Variants in TSBP1 observed in about 807,000 individuals in gnomAD.
TSBP1 encodes testis-expressed basic protein 1.
Under a neutral mutation model 68.8 loss-of-function variants are expected in TSBP1, and 56 were observed. The ratio of observed to expected loss-of-function variants is 0.81; its 90% confidence interval spans 0.66 to 1.02. The LOEUF is 1.02. Among genes scored for constraint, TSBP1 ranks in the 50% least tolerant of loss-of-function variants. The pLI is 0.00. For missense variants in TSBP1, 502 were observed against 641.2 expected (o/e 0.78, Z 2.34); for synonymous variants, 171 against 208.7 (o/e 0.82, Z 1.56).
chr6:32,363,330 T>G (rs1184589942), intron 6 of TSBP1, among the ~76,000 whole-genome samples: 1 of 152,136 alleles, frequency 6.6e-6, no homozygotes, highest in Non-Finnish European at 1.5e-5. Context: ...ATTTAGCTAC[T>G]CTGTGTCTTT....
At chr6:32,299,195 T>C (rs1048193367) in intron 22 of TSBP1, among the ~76,000 whole-genome samples, 2 of 152,212 alleles carry the variant, frequency 1.3e-5, no homozygotes, top group African/African-American at 2.4e-5. Flanking sequence ...CTTGGGTAAA[T>C]ACCTGAGTTA....
intron 9 of TSBP1, 72 bp from the exon 11 acceptor site, chr6:32,339,710 C>A: frequency 1.5e-6 from 1 of 677,638 alleles, no homozygotes; most frequent in Non-Finnish European, 2.6e-6. Flanking sequence ...TAGACAATCC[C>A]ATTCCCTCCT....
At chr6:32,348,816 T>TG (rs1217608152) in intron 9 of TSBP1, among the ~76,000 whole-genome samples, 1 of 152,196 alleles carries the variant, frequency 6.6e-6, no homozygotes, top group Admixed American at 6.5e-5. Context: ...AACCTCTCCT[T>TG]GTCCCCTACT....
At chr6:32,308,415 G>A (rs28366177) in intron 19 of TSBP1, among the ~76,000 whole-genome samples, 21,331 of 150,008 alleles carry the variant, frequency 0.14, 1,688 homozygotes, top group Admixed American at 0.17. Context: ...CGGCTAAAAC[G>A]GTGAAACCCC....
intron 9 of TSBP1, among the ~76,000 whole-genome samples, chr6:32,346,625 G>A (rs1771026912): frequency 6.6e-6 from 1 of 152,098 alleles, no homozygotes; most frequent in African/African-American, 2.4e-5. Context: ...ATCACTTGAG[G>A]CCAGGAGTTC....
intron 16 of TSBP1, 144 bp downstream of exon 17, chr6:32,330,445 A>C (rs1338978110): frequency 3.2e-5 from 22 of 687,700 alleles, no homozygotes; most frequent in Non-Finnish European, 5.2e-5. Context: ...AGTAGGTTGA[A>C]ATCAGGAAGC....
At chr6:32,331,038 AG>A (rs1768957390) in intron 15 of TSBP1, among the ~76,000 whole-genome samples, 1 of 152,196 alleles carries the variant, frequency 6.6e-6, no homozygotes, top group Non-Finnish European at 1.5e-5. Context: ...ACTAAATCTC[AG>A]TATTCAGGAT....
In TSBP1 at chr6:32,304,075, A is replaced by G. The variant is rs115662825; in HGVS notation, c.581-1446T>C. On this transcript the variant is annotated intron_variant, in intron 19 of 22. Coordinates refer to ENST00000612031, the Ensembl canonical transcript of TSBP1. The surrounding 1 kb of genome is among the most constrained non-coding windows in gnomAD (Gnocchi z 4.8). ...ACTCTCTAACCAGAAGAACAAATTG[A>G]TTTTGGTCCTTTCTATGTGGTTTCT... Among the ~76,000 whole-genome samples the G allele has an allele frequency of 0.039, 5,992 of 152,152 alleles. 339 individuals carry two copies. The highest frequency in any genetic ancestry group is 0.12 in the African/African-American group (5,143 of 41,498).
chr6:32,361,281 G>A lies in TSBP1; in HGVS notation c.217+4886C>T, dbSNP rs947638880. Among the ~76,000 whole-genome samples the A allele has an allele frequency of 3.3e-5, 5 of 152,148 alleles. No homozygotes were observed. Among genetic ancestry groups the A allele is most frequent in the African/African-American group, 1.2e-4 (5 of 41,418 alleles). Reference sequence around the variant, plus strand: ...CATATTCTTAATCTGGTGTATCATTGATGGACTTTTGGGTTGGTTCCAAGT... The same window carrying A: ...CATATTCTTAATCTGGTGTATCATTAATGGACTTTTGGGTTGGTTCCAAGT... On this transcript the variant is annotated intron_variant, in intron 6 of 22. Transcript: ENST00000612031. The surrounding 1 kb of genome is among the most constrained non-coding windows in gnomAD (Gnocchi z 4.3).
At chr6:32,367,263 GAA>G (rs1491483799) in intron 4 of TSBP1, among the ~76,000 whole-genome samples, 27 of 135,762 alleles carry the variant, frequency 2.0e-4, no homozygotes, top group Middle Eastern at 3.5e-3. Flanking sequence ...GAGAGAGAGA[GAA>G]AGAGAGAGAG....
rs551845917 is a variant in TSBP1 at position 32,330,674 on chromosome 6, A to T, written c.494-65T>A. ...CACACACACACACACACACACACAC[A>T]CTTCTATTTTTTGAGACAGAGTCTC... is the stretch of plus-strand genomic sequence containing the variant. On this transcript the variant is annotated intron_variant, in intron 15 of 22. Transcript: ENST00000612031. The T allele has an allele frequency of 1.7e-3, 2,476 of 1,429,574 alleles. 16 individuals are homozygous for T. Among genetic ancestry groups the T allele is most frequent in the Admixed American group, 0.015 (714 of 46,442 alleles). The allele number at this position is 1,429,574 out of a possible 1,614,324, so 88.6% of individuals were successfully genotyped here.
intron 18 of TSBP1, 134 bp downstream of exon 20, chr6:32,322,352 T>C: frequency 1.5e-6 from 1 of 671,074 alleles, no homozygotes; most frequent in Non-Finnish European, 2.7e-6. Flanking sequence ...AAAGGTTGAC[T>C]TGCAGTCCTA....
chr6:32,302,775 G>T lies in TSBP1; in HGVS notation c.581-146C>A, dbSNP rs981441463. On this transcript the variant is annotated intron_variant, in intron 19 of 22. Transcript: ENST00000612031. This position sits in a 1 kb window ranked among gnomAD's most constrained non-coding sequence, Gnocchi z 5.1. ...TACAATGAAATATGATGAGACAACA[G>T]ATCCCTTAGTGTGTTATAAGAACCT... is the stretch of plus-strand genomic sequence containing the variant. The T allele has an allele frequency of 1.6e-5, 10 of 616,558 alleles. No individual in the cohort carries two copies. In the African/African-American group the frequency reaches 2.0e-4, roughly 12 times the overall value. 38.2% of individuals were successfully genotyped at this position (616,558 alleles called of 1,614,324 possible). A position where few individuals can be genotyped will look rare whatever the true frequency, so the allele number is the denominator to read the frequency against.
Position 32,332,017 on chromosome 6 carries a change from A to G in TSBP1, c.493+17T>C, listed in dbSNP as rs1483815227. On this transcript the variant is annotated intron_variant, in intron 15 of 22. Transcript: ENST00000612031. ...AAGAAGCCAGTAGAGATAAGTTGATATATACAGGCAGCTTACCAATAGGTC... is the reference window on the plus strand; with the variant it reads ...AAGAAGCCAGTAGAGATAAGTTGATGTATACAGGCAGCTTACCAATAGGTC... The G allele has an allele frequency of 7.0e-6, 11 of 1,581,178 alleles. No homozygotes were observed. Among genetic ancestry groups the G allele is most frequent in the Middle Eastern group, 1.7e-4 (1 of 6,028 alleles).
chr6:32,342,346 A>G (rs1770477433), intron 9 of TSBP1, among the ~76,000 whole-genome samples: 1 of 152,034 alleles, frequency 6.6e-6, no homozygotes. Context: ...TATTTTTGGT[A>G]GAGACGGGGT....
intron 16 of TSBP1, among the ~76,000 whole-genome samples, chr6:32,328,692 C>T (rs926627978): frequency 1.3e-5 from 2 of 152,128 alleles, no homozygotes; most frequent in Non-Finnish European, 2.9e-5. Context: ...GCTAGGATTA[C>T]AGGCATGAGC....
rs3132954 is a variant in TSBP1 at position 32,343,682 on chromosome 6, G to A, written c.350-4044C>T. The stretch of plus-strand genomic sequence containing the variant: ...TGAGAAAGGGAAGGGCTGTGCCTGA[G>A]TATGCAAAAAATTAAAGGCAGTTTT... On this transcript the variant is annotated intron_variant, in intron 9 of 22. Coordinates refer to ENST00000612031, the Ensembl canonical transcript of TSBP1. The surrounding 1 kb of genome is among the most constrained non-coding windows in gnomAD (Gnocchi z 4.3). 0.46 allele frequency among the ~76,000 whole-genome samples: 70,436 copies of A among 151,990 alleles called. 16,997 individuals are homozygous for A. Among genetic ancestry groups the A allele is most frequent in the African/African-American group, 0.55 (23,001 of 41,450 alleles).
intron 15 of TSBP1, among the ~76,000 whole-genome samples, chr6:32,331,689 C>T (rs1412973257): frequency 6.6e-6 from 1 of 152,158 alleles, no homozygotes; most frequent in Non-Finnish European, 1.5e-5. Context: ...TATCAATATC[C>T]TGCCGGCCAG....
At chr6:32,362,421 G>A (rs1322537382) in intron 6 of TSBP1, among the ~76,000 whole-genome samples, 2 of 152,096 alleles carry the variant, frequency 1.3e-5, no homozygotes, top group Non-Finnish European at 2.9e-5. Context: ...CGCCACATGC[G>A]CCCCCTCAGC....
Sources: allele counts gnomAD v4.1 joint callset (sites outside exome capture counted in the v4.1 genomes callset), GRCh38; gene constraint gnomAD v4.1.1; non-coding constraint Gnocchi (gnomAD v3.1); transcripts MANE v1.5; gene names NCBI Gene and HGNC (gene_info 2026-07-23, HGNC 2026-07-21).